The following CAMKMT variants were observed in gnomAD, a reference collection of about 807,000 sequenced individuals.
CAMKMT encodes the protein calmodulin-lysine N-methyltransferase, also known as CaM KMT.
A neutral mutation model predicts 48.0 loss-of-function variants in CAMKMT; 53 were observed. The ratio of observed to expected loss-of-function variants is 1.10; its 90% CI spans 0.89 to 1.39. The LOEUF (loss-of-function observed/expected upper bound fraction) is 1.39. Among genes scored for constraint, CAMKMT ranks in the 40% most tolerant of loss-of-function variants. CAMKMT has a pLI of 0.00. For missense variants in CAMKMT, 428 were observed against 402.7 expected (o/e 1.06, Z -0.54); for synonymous variants, 165 against 152.3 (o/e 1.08, Z -0.61).
At chr2:44,631,829 C>T (rs1672851326) in intron 3 of CAMKMT, 4 of 267,284 alleles carry the variant, frequency 1.5e-5, no homozygotes, top group South Asian at 1.6e-4. Flanking sequence ...TTTCAGTTTT[C>T]TCTACTCTTG....
intron 3 of CAMKMT, among the ~76,000 whole-genome samples, chr2:44,610,416 C>T (rs1161030437): frequency 1.3e-5 from 2 of 152,086 alleles, no homozygotes; most frequent in African/African-American, 4.8e-5. Context: ...GGGGTGTCTC[C>T]TATTTGGGAG....
chr2:44,624,133 C>T (rs1672346012), intron 3 of CAMKMT, among the ~76,000 whole-genome samples: 2 of 152,016 alleles, frequency 1.3e-5, no homozygotes, highest in Admixed American at 1.3e-4. Context: ...AGTAAGCAGC[C>T]TACAGAATGG....
rs992373685 is a variant in CAMKMT, at chr2:44,489,463, C to G, written c.376+99158C>G. Among the ~76,000 whole-genome samples the G allele has an allele frequency of 9.2e-5, 14 of 151,994 alleles. 1 individual carries two copies. The highest frequency in any genetic ancestry group is 3.4e-4 in the African/African-American group (14 of 41,368). On this transcript the variant is annotated intron_variant, in intron 3 of 10. Coordinates refer to ENST00000378494, the MANE Select transcript of CAMKMT (RefSeq NM_024766.5). ...GTTTCACCATGTTGGTCAGGCTGGT[C>G]TCGAACTCCTGAACTCAGATGATCC...
At chr2:44,744,794 G>T (rs1443008933) in intron 8 of CAMKMT, among the ~76,000 whole-genome samples, 5 of 147,286 alleles carry the variant, frequency 3.4e-5, no homozygotes, top group African/African-American at 5.0e-5. Context: ...TTTTTCTTCA[G>T]AAAAAAAAAC....
intron 8 of CAMKMT, among the ~76,000 whole-genome samples, chr2:44,752,879 A>G (rs1680209114): frequency 6.6e-6 from 1 of 152,196 alleles, no homozygotes; most frequent in Non-Finnish European, 1.5e-5. Flanking sequence ...TTTGGGGGAA[A>G]CATTCAGACC....
chr2:44,662,773 A>G (rs1674749261), intron 3 of CAMKMT, among the ~76,000 whole-genome samples: 1 of 152,138 alleles, frequency 6.6e-6, no homozygotes, highest in Admixed American at 6.5e-5. Context: ...CATATTGCCC[A>G]GGCTGGTCTT....
At chr2:44,687,885 C>G (rs1475634533) in intron 3 of CAMKMT, among the ~76,000 whole-genome samples, 2 of 152,152 alleles carry the variant, frequency 1.3e-5, no homozygotes, top group Non-Finnish European at 2.9e-5. Context: ...TCTTCTATTG[C>G]CAAAATTCTT....
chr2:44,586,693 TATTTATCC>T (rs1463896499), intron 3 of CAMKMT, among the ~76,000 whole-genome samples: 4 of 152,228 alleles, frequency 2.6e-5, no homozygotes, highest in African/African-American at 7.2e-5. Context: ...ATATGCAGTA[TATTTATCC>T]ATTTATCCAT....
chr2:44,713,520 TAGAC>T (rs1324877879), intron 6 of CAMKMT, among the ~76,000 whole-genome samples: 2 of 152,188 alleles, frequency 1.3e-5, no homozygotes, highest in Non-Finnish European at 2.9e-5. Context: ...CTTCCTGAAA[TAGAC>T]AGAACTGTAG....
chr2:44,732,464 A>G (rs1277893775), intron 7 of CAMKMT, among the ~76,000 whole-genome samples: 3 of 152,262 alleles, frequency 2.0e-5, no homozygotes, highest in African/African-American at 2.4e-5. Context: ...TGGTAGAACC[A>G]TCCTTTACAT....
intron 3 of CAMKMT, among the ~76,000 whole-genome samples, chr2:44,510,959 G>C (rs1355321354): frequency 6.6e-6 from 1 of 152,022 alleles, no homozygotes. Context: ...TCCTGCCTCA[G>C]CCTCCCAAGT....
intron 1 of CAMKMT, among the ~76,000 whole-genome samples, chr2:44,367,295 C>G (rs1678702061): frequency 6.6e-6 from 1 of 152,138 alleles, no homozygotes; most frequent in African/African-American, 2.4e-5. Flanking sequence ...AATTAAAGAT[C>G]TTAAATGCTT....
intron 3 of CAMKMT, among the ~76,000 whole-genome samples, chr2:44,680,417 C>G (rs1675950636): frequency 6.6e-6 from 1 of 152,118 alleles, no homozygotes; most frequent in Non-Finnish European, 1.5e-5. Flanking sequence ...CATAAGGACA[C>G]CAGCACTGGA....
intron 3 of CAMKMT, among the ~76,000 whole-genome samples, chr2:44,588,217 AGAAGTGAGGAGC>A (rs1669999823): frequency 9.0e-6 from 1 of 110,844 alleles, no homozygotes; most frequent in Admixed American, 9.5e-5. Context: ...GCCCCGTCTG[AGAAGTGAGGAGC>A]CCCTCCGTCC....
intron 9 of CAMKMT, among the ~76,000 whole-genome samples, chr2:44,757,237 G>C (rs1420718918): frequency 6.6e-6 from 1 of 152,236 alleles, no homozygotes; most frequent in Non-Finnish European, 1.5e-5. Flanking sequence ...TCCAGGCCTA[G>C]TGTGGCCCTA....
intron 3 of CAMKMT, among the ~76,000 whole-genome samples, chr2:44,410,424 A>AT (rs1284281826): frequency 3.4e-5 from 5 of 148,424 alleles, no homozygotes; most frequent in East Asian, 3.9e-4. Flanking sequence ...CGCCCAGCTA[A>AT]TTTTTTTTGT....
At chr2:44,413,925 T>C (rs1237069367) in intron 3 of CAMKMT, among the ~76,000 whole-genome samples, 2 of 152,218 alleles carry the variant, frequency 1.3e-5, no homozygotes, top group African/African-American at 2.4e-5. Context: ...TCATGCCTGA[T>C]TTATCCTTGT....
intron 3 of CAMKMT, among the ~76,000 whole-genome samples, chr2:44,685,737 A>C (rs1325480028): frequency 1.3e-5 from 2 of 152,204 alleles, no homozygotes; most frequent in East Asian, 3.9e-4. Flanking sequence ...TATAAGGTCC[A>C]TATCACACTG....
intron 3 of CAMKMT, among the ~76,000 whole-genome samples, chr2:44,533,278 G>A (rs1054368587): frequency 4.8e-5 from 7 of 147,308 alleles, no homozygotes; most frequent in South Asian, 2.2e-4. Context: ...CTCTTTTGTC[G>A]CCCAGGCTGG....
Sources: gnomAD v4.1 joint callset for allele counts (sites outside exome capture counted in the v4.1 genomes callset) on GRCh38, gnomAD v4.1.1 for gene constraint, MANE v1.5 for transcripts, NCBI Gene and HGNC (gene_info 2026-07-23, HGNC 2026-07-21) for gene names.